MYOZ2: variants seen among roughly 807,000 people sequenced by gnomAD.
The protein encoded by MYOZ2 is myozenin-2.
In MYOZ2, 19 loss-of-function variants were observed where a neutral mutation model predicts 25.4. The ratio of observed to expected loss-of-function variants is 0.75; its 90% confidence interval spans 0.52 to 1.10. The LOEUF is 1.10. MYOZ2 is among the 50% of genes least tolerant of loss of function. The probability of loss-of-function intolerance (pLI) is 0.00; values close to 1 mark genes in which losing one functional copy is unlikely to be tolerated. For synonymous variants in MYOZ2, 92 were observed against 106.9 expected (o/e 0.86, Z 0.86); for missense variants, 270 against 317.9 (o/e 0.85, Z 1.15).
At chr4:119,146,024 A>G (rs1189295618) in intron 2 of MYOZ2, among the ~76,000 whole-genome samples, 1 of 152,154 alleles carries the variant, frequency 6.6e-6, no homozygotes, top group Non-Finnish European at 1.5e-5. Flanking sequence ...TGTTTGTAGT[A>G]TTAATATTCT....
chr4:119,152,565 A>G (rs948897887), intron 3 of MYOZ2, among the ~76,000 whole-genome samples: 1 of 152,118 alleles, frequency 6.6e-6, no homozygotes, highest in African/African-American at 2.4e-5. Flanking sequence ...TCTTACCACC[A>G]GTATTTCAAA....
intron 5 of MYOZ2, among the ~76,000 whole-genome samples, chr4:119,169,596 G>T: frequency 6.6e-6 from 1 of 152,238 alleles, no homozygotes; most frequent in East Asian, 1.9e-4. Flanking sequence ...AACCCAACAT[G>T]TGGTACCACG....
intron 3 of MYOZ2, among the ~76,000 whole-genome samples, chr4:119,157,667 G>A (rs988704516): frequency 6.6e-6 from 1 of 152,150 alleles, no homozygotes; most frequent in African/African-American, 2.4e-5. Context: ...TATTAGATTA[G>A]TAAGGATTCA....
intron 5 of MYOZ2, among the ~76,000 whole-genome samples, chr4:119,166,028 T>TGTGTGTGTGC (rs1491045669): frequency 6.7e-6 from 1 of 150,316 alleles, no homozygotes; most frequent in Non-Finnish European, 1.5e-5. Flanking sequence ...TTACATGCTG[T>TGTGTGTGTGC]GTGTGTGTGC....
chr4:119,187,521 T>G lies in MYOZ2; in HGVS notation c.*1321T>G, dbSNP rs988677563. 1 of 152,082 alleles carries G rather than the reference T, an allele frequency of 6.6e-6. No homozygotes were observed. The highest frequency in any genetic ancestry group is 2.4e-5 in the African/African-American group (1 of 41,438). 9.4% of individuals were successfully genotyped at this position (152,082 alleles called of 1,614,324 possible). On this transcript the variant is annotated 3_prime_UTR_variant, in exon 6 of 6. Coordinates refer to ENST00000307128, the MANE Select transcript of MYOZ2 (RefSeq NM_016599.5). ...TTAATCATCATCTAGACTTGTTAAGTAGAAAAATTTTAAAAATTTGCTTAT... is the reference window on the plus strand; with the variant it reads ...TTAATCATCATCTAGACTTGTTAAGGAGAAAAATTTTAAAAATTTGCTTAT...
At chr4:119,183,405 T>C (rs1742227145) in intron 5 of MYOZ2, among the ~76,000 whole-genome samples, 1 of 150,586 alleles carries the variant, frequency 6.6e-6, no homozygotes, top group South Asian at 2.1e-4. Context: ...AATATCAGAG[T>C]ACTCCAAGCA....
chr4:119,149,736 A>C (rs1270040477), intron 2 of MYOZ2, among the ~76,000 whole-genome samples: 3 of 152,150 alleles, frequency 2.0e-5, no homozygotes, highest in Non-Finnish European at 4.4e-5. Context: ...GCTTTACAGG[A>C]AAAAACACAT....
At chr4:119,171,812 CACAA>C (rs1741953912) in intron 5 of MYOZ2, among the ~76,000 whole-genome samples, 2 of 123,584 alleles carry the variant, frequency 1.6e-5, no homozygotes, top group South Asian at 2.4e-4. Flanking sequence ...TTTCCAAACA[CACAA>C]ACACACACAC....
intron 4 of MYOZ2, among the ~76,000 whole-genome samples, chr4:119,160,482 TAATA>T (rs1162361005): frequency 6.6e-6 from 1 of 152,138 alleles, no homozygotes; most frequent in Non-Finnish European, 1.5e-5. Flanking sequence ...TTCAAAGAAT[TAATA>T]GACATAGAGA....
In MYOZ2 at chr4:119,182,470, T is replaced by C. The variant is rs146059403; in HGVS notation, c.561-3496T>C. Among the ~76,000 whole-genome samples the C allele has an allele frequency of 3.6e-3, 544 of 151,090 alleles. 7 individuals carry two copies. The highest frequency in any genetic ancestry group is 9.6e-4 in the Non-Finnish European group (65 of 67,846). ...GAAGTTGCATGACACTGTAATACAA[T>C]GGTCCCCAACCTTTCTGGCACCAGG... is the stretch of plus-strand genomic sequence containing the variant. On this transcript the variant is annotated intron_variant, in intron 5 of 5. Coordinates refer to ENST00000307128, the MANE Select transcript of MYOZ2 (RefSeq NM_016599.5).
chr4:119,148,864 A>G (rs1306439193), intron 2 of MYOZ2, among the ~76,000 whole-genome samples: 1 of 151,226 alleles, frequency 6.6e-6, no homozygotes, highest in Non-Finnish European at 1.5e-5. Context: ...GTACTTTAAA[A>G]TATTTGTCAG....
At chr4:119,176,443 G>C (rs1031699330) in intron 5 of MYOZ2, among the ~76,000 whole-genome samples, 1 of 152,110 alleles carries the variant, frequency 6.6e-6, no homozygotes, top group Non-Finnish European at 1.5e-5. Context: ...GGCTGGTCTT[G>C]AGCTCCCTAC....
intron 3 of MYOZ2, among the ~76,000 whole-genome samples, chr4:119,156,054 G>T (rs369831311): frequency 6.6e-6 from 1 of 152,038 alleles, no homozygotes; most frequent in Admixed American, 6.6e-5. Context: ...TAGCTAACAA[G>T]CTAGTAAATG....
In MYOZ2 at chr4:119,186,353, C is replaced by T; in HGVS notation, c.*153C>T. On this transcript the variant is annotated 3_prime_UTR_variant, in exon 6 of 6. Transcript: ENST00000307128. ...CTGACATTCAATTTCAATCTCAGAT[C>T]AAATACTAATAAACAATTAGAAATC... 1 of 633,212 alleles carries T rather than the reference C, an allele frequency of 1.6e-6. No individual in the cohort carries two copies. The highest frequency in any genetic ancestry group is 2.0e-5 in the South Asian group (1 of 50,296). The allele number at this position is 633,212 out of a possible 1,614,324, so 39.2% of individuals were successfully genotyped here. A position where few individuals can be genotyped will look rare whatever the true frequency, so the allele number is the denominator to read the frequency against.
At chr4:119,155,346 A>C (rs1308849704) in intron 3 of MYOZ2, among the ~76,000 whole-genome samples, 1 of 152,200 alleles carries the variant, frequency 6.6e-6, no homozygotes, top group Non-Finnish European at 1.5e-5. Context: ...GGGGACTCCA[A>C]ATGACATAAA....
At chr4:119,152,447 T>C (rs1279831777) in intron 3 of MYOZ2, among the ~76,000 whole-genome samples, 1 of 152,156 alleles carries the variant, frequency 6.6e-6, no homozygotes, top group Non-Finnish European at 1.5e-5. Context: ...AAATGAATAA[T>C]GTCAGTTTTT....
At chr4:119,163,812 CT>C (rs2149225092) in intron 4 of MYOZ2, among the ~76,000 whole-genome samples, 1 of 152,250 alleles carries the variant, frequency 6.6e-6, no homozygotes, top group South Asian at 2.1e-4. Context: ...GCGATTTCCC[CT>C]ACCTTAGACT....
At chr4:119,152,273 T>A (rs756680335) in intron 3 of MYOZ2, among the ~76,000 whole-genome samples, 4 of 152,098 alleles carry the variant, frequency 2.6e-5, no homozygotes, top group Non-Finnish European at 5.9e-5. Flanking sequence ...ATCAAAAATA[T>A]CTTGTAAGTA....
chr4:119,148,340 AT>A (rs1192190936), intron 2 of MYOZ2, among the ~76,000 whole-genome samples: 1 of 151,996 alleles, frequency 6.6e-6, no homozygotes, highest in Non-Finnish European at 1.5e-5. Context: ...CAGGTTTATT[AT>A]GTTTAGGGTT....
Sources: gnomAD v4.1 joint callset for allele counts (sites outside exome capture counted in the v4.1 genomes callset) on GRCh38, gnomAD v4.1.1 for gene constraint, MANE v1.5 for transcripts, NCBI Gene and HGNC (gene_info 2026-07-23, HGNC 2026-07-21) for gene names.